MAN2A2: variants seen among roughly 807,000 people sequenced by gnomAD.
MAN2A2 encodes the protein mannosidase alpha class 2A member 2, also known as alpha-mannosidase 2x.
A neutral mutation model predicts 126.8 loss-of-function variants in MAN2A2; 79 were observed. The observed-to-expected ratio is 0.62, with a 90% CI of 0.52 to 0.75. MAN2A2 has a LOEUF of 0.75. Ranked by LOEUF, MAN2A2 falls within the 30% of genes least tolerant of loss-of-function variation. The probability of loss-of-function intolerance (pLI) is 0.00; values close to 1 mark genes in which losing one functional copy is unlikely to be tolerated. For missense variants in MAN2A2, 1,392 were observed against 1,522.4 expected (o/e 0.91, Z 1.43); for synonymous variants, 671 against 618.7 (o/e 1.08, Z -1.25).
rs1267269199 is a variant in MAN2A2 at position 90,910,489 on chromosome 15, C to G, written c.1578-12C>G. On this transcript the variant is annotated splice_polypyrimidine_tract_variant and intron_variant, in intron 10 of 22. Coordinates refer to ENST00000559717, the MANE Select transcript of MAN2A2 (RefSeq NM_006122.4). ...TGGTGCAGGCTGGCAGCTAACTTCT[C>G]TCTCTGGGCAGGGGGGCAGAGGTTC... The G allele has an allele frequency of 2.5e-6, 4 of 1,613,322 alleles. No homozygotes were observed. The South Asian group carries it at 3.3e-5, about 13-fold the overall frequency.
chr15:90,904,621 G>A (rs2034114242), intron 2 of MAN2A2, among the ~76,000 whole-genome samples: 1 of 149,090 alleles, frequency 6.7e-6, no homozygotes, highest in South Asian at 2.1e-4. Context: ...ACAGAGTCTC[G>A]CTCTGTCGCC....
At chr15:90,917,399 G>A (rs1266485) in intron 20 of MAN2A2, among the ~76,000 whole-genome samples, 12,019 of 152,218 alleles carry the variant, frequency 0.079, 546 homozygotes, top group South Asian at 0.15. Flanking sequence ...GAGGGACACC[G>A]TCAGAACTCT....
intron 11 of MAN2A2, 53 bp downstream of exon 11, chr15:90,910,736 A>G: frequency 6.2e-7 from 1 of 1,607,454 alleles, no homozygotes; most frequent in East Asian, 2.2e-5. Context: ...GTCCCAAAGA[A>G]AGGACATTGG....
rs2035148310 is a variant in MAN2A2 at position 90,916,041 on chromosome 15, C to G, written c.2861-82C>G. ...TCGAGCTGCGCTTTTCCGTCAGGGC[C>G]TGTGGCTTGGGATTCTCCTTTGAAA... is the stretch of plus-strand genomic sequence containing the variant. On this transcript the variant is annotated intron_variant, in intron 19 of 22. Transcript: ENST00000559717. 6.0e-6 allele frequency: 9 copies of G among 1,501,434 alleles called. No homozygotes were observed. The South Asian group carries it at 9.6e-5, about 16-fold the overall frequency. 93.0% of individuals were successfully genotyped at this position (1,501,434 alleles called of 1,614,324 possible). A position where few individuals can be genotyped will look rare whatever the true frequency, so the allele number is the denominator to read the frequency against.
chr15:90,916,289 G>A (rs2035173487), intron 20 of MAN2A2, 33 bp downstream of exon 20: 3 of 1,606,950 alleles, frequency 1.9e-6, no homozygotes, highest in South Asian at 2.2e-5. Flanking sequence ...AGGGAGCCAG[G>A]TCTGGCTAGT....
In MAN2A2 at chr15:90,909,321, C is replaced by T; in HGVS notation, c.1197-6C>T. The stretch of plus-strand genomic sequence containing the variant: ...TGGTGGGCCCATGTTTTTTTTCCTG[C>T]CCCAGGGCAGCCCTGCTTCTGGACC... On this transcript the variant is annotated splice_region_variant and splice_polypyrimidine_tract_variant and intron_variant, in intron 8 of 22. Transcript: ENST00000559717. 1 of 1,601,244 alleles carries T rather than the reference C, an allele frequency of 6.2e-7. No individual in the cohort carries two copies. The highest frequency in any genetic ancestry group is 1.1e-5 in the South Asian group (1 of 90,410).
intron 1 of MAN2A2, chr15:90,903,798 T>C (rs1437141833): frequency 3.1e-6 from 1 of 317,796 alleles, no homozygotes; most frequent in Non-Finnish European, 6.2e-6. Flanking sequence ...CTTTGGGTTC[T>C]GGCTAAACTT....
intron 20 of MAN2A2, among the ~76,000 whole-genome samples, chr15:90,917,048 G>A (rs2035242273): frequency 1.3e-5 from 2 of 152,222 alleles, no homozygotes; most frequent in South Asian, 2.1e-4. Context: ...ACAACAGGCT[G>A]GGGAATAGCA....
chr15:90,912,185 T>C lies in MAN2A2; in HGVS notation c.2252T>C (p.Phe751Ser). 1.9e-6 allele frequency: 3 copies of C among 1,614,124 alleles called. No homozygotes were observed. The highest frequency in any genetic ancestry group is 2.5e-6 in the Non-Finnish European group (3 of 1,180,010). ...RQLSVSRHEA[F>S]PLRVIDSGTS... ...CTGTCCGTCAGCAGGCACGAAGCGTTTCCTCTCCGTGTCATTGACTCTGGC... is the reference window on the plus strand; with the variant it reads ...CTGTCCGTCAGCAGGCACGAAGCGTCTCCTCTCCGTGTCATTGACTCTGGC... Residue 751 changes from phenylalanine to serine, a missense_variant, in exon 15 of 23, where the codon TTT (phenylalanine) becomes TCT (serine). Coordinates refer to ENST00000559717, the MANE Select transcript of MAN2A2 (RefSeq NM_006122.4).
chr15:90,911,462 G>T lies in MAN2A2; in HGVS notation c.2021G>T (p.Arg674Leu), dbSNP rs139653973. 7.4e-6 allele frequency: 12 copies of T among 1,614,206 alleles called. No homozygotes were observed. Among genetic ancestry groups the T allele is most frequent in the Non-Finnish European group, 9.3e-6 (11 of 1,180,042 alleles). Reference sequence around the variant, plus strand: ...CTGCTGGTCAACTCTCCCCGCGTGCGTGTCCTTTCGGAGGAGGGTCAGCCC... The same window carrying T: ...CTGCTGGTCAACTCTCCCCGCGTGCTTGTCCTTTCGGAGGAGGGTCAGCCC... ...VSLLVNSPRV[R>L]VLSEEGQPLA... Residue 674 changes from arginine to leucine, a missense_variant, in exon 14 of 23, where the codon CGT (arginine) becomes CTT (leucine). By Grantham distance (102) the Arg-to-Leu change is moderately radical. Coordinates refer to ENST00000559717, the MANE Select transcript of MAN2A2 (RefSeq NM_006122.4).
In MAN2A2 at chr15:90,905,454, C is replaced by G. The variant is rs143801767; in HGVS notation, c.336C>G (p.Ser112=). Residue 112 remains serine, a synonymous_variant, in exon 3 of 23, where the codon TCC becomes TCG. Coordinates refer to ENST00000559717, the MANE Select transcript of MAN2A2 (RefSeq NM_006122.4). ...CCCGGCCCAGCTTCTTCTCCATCTC[C>G]CCGCAGGACTGCCAGTTTGCTTTGG... The part of the protein sequence containing the change: ...PEPRPSFFSI[S]PQDCQFALGG... 1.2e-6 allele frequency: 2 copies of G among 1,613,962 alleles called. No individual in the cohort carries two copies. Among genetic ancestry groups the G allele is most frequent in the South Asian group, 1.1e-5 (1 of 91,082 alleles).
At position 90,912,121 on chromosome 15, in the gene MAN2A2, C is replaced by T. The variant is rs1395296892; in HGVS notation, c.2188C>T (p.Leu730=). Residue 730 remains leucine, a synonymous_variant, in exon 15 of 23, where the codon CTG becomes TTG. Transcript: ENST00000559717. ...GCTGGGCCTGGATGGGCACCGCACGCTGCCCTCCTCTGTGCGCATCTACCT... is the reference window on the plus strand; with the variant it reads ...GCTGGGCCTGGATGGGCACCGCACGTTGCCCTCCTCTGTGCGCATCTACCT... The part of the protein sequence containing the change: ...LQLGLDGHRT[L]PSSVRIYLHG... 4 of 1,613,732 alleles carry T rather than the reference C, an allele frequency of 2.5e-6. No individual in the cohort carries two copies. In the South Asian group the frequency reaches 4.4e-5, roughly 18 times the overall value.
At chr15:90,904,636 C>G (rs932069408) in intron 2 of MAN2A2, among the ~76,000 whole-genome samples, 23 of 151,632 alleles carry the variant, frequency 1.5e-4, no homozygotes, top group African/African-American at 5.3e-4. Context: ...GTCGCCCAGC[C>G]TTGAGTGCAG....
At position 90,911,424 on chromosome 15, in the gene MAN2A2, C is replaced by G. The variant is rs761544464; in HGVS notation, c.1983C>G (p.Phe661Leu). The G allele has an allele frequency of 1.2e-6, 2 of 1,614,254 alleles. No individual in the cohort carries two copies. Among genetic ancestry groups the G allele is most frequent in the East Asian group, 2.2e-5 (1 of 44,894 alleles). The change falls in exon 14 of 23, where the codon TTC (phenylalanine) becomes TTG (leucine). Residue 661 changes from phenylalanine to leucine, a missense_variant. Transcript: ENST00000559717. ...VLFNPLEQER[F>L]SMVSLLVNSP... Reference sequence around the variant, plus strand: ...TCAACCCACTGGAACAGGAGCGATTCAGCATGGTGTCCCTGCTGGTCAACT... The same window carrying G: ...TCAACCCACTGGAACAGGAGCGATTGAGCATGGTGTCCCTGCTGGTCAACT...
chr15:90,918,417 G>C, intron 21 of MAN2A2, 29 bp downstream of exon 21: 1 of 1,601,932 alleles, frequency 6.2e-7, no homozygotes, highest in East Asian at 2.2e-5. Flanking sequence ...GACATGCTGA[G>C]AGCAGAGTTC....
intron 18 of MAN2A2, 34 bp from the exon 19 acceptor site, chr15:90,913,580 G>A (rs752589543): frequency 7.1e-5 from 113 of 1,594,126 alleles, no homozygotes; most frequent in Non-Finnish European, 8.4e-5. Flanking sequence ...CATGGTGCCC[G>A]GGTGCCCTTG....
At chr15:90,905,114 C>G (rs1015059331) in intron 2 of MAN2A2, 137 bp from the exon 3 acceptor site, 46 of 886,614 alleles carry the variant, frequency 5.2e-5, no homozygotes, top group Non-Finnish European at 7.7e-5. Context: ...ACGGTGTCAT[C>G]TATCCCTCTA....
intron 14 of MAN2A2, 128 bp downstream of exon 14, chr15:90,911,678 T>G: frequency 9.2e-7 from 1 of 1,089,990 alleles, no homozygotes; most frequent in Non-Finnish European, 1.3e-6. Flanking sequence ...ACAAGTGTCC[T>G]GGGGAGGGGG....
rs1305637593 is a variant in MAN2A2 at position 90,920,779 on chromosome 15, G to T, written c.*992G>T. The T allele has an allele frequency of 1.3e-5, 2 of 152,236 alleles. No individual in the cohort carries two copies. The highest frequency in any genetic ancestry group is 2.9e-5 in the Non-Finnish European group (2 of 68,064). The allele number at this position is 152,236 out of a possible 1,614,324, so 9.4% of individuals were successfully genotyped here. A position where few individuals can be genotyped will look rare whatever the true frequency, so the allele number is the denominator to read the frequency against. On this transcript the variant is annotated 3_prime_UTR_variant, in exon 23 of 23. Coordinates refer to ENST00000559717, the MANE Select transcript of MAN2A2 (RefSeq NM_006122.4). The stretch of plus-strand genomic sequence containing the variant: ...TTTAGTCTATCTGCAGAGGTATTCA[G>T]TTCCTGGCACAGGGGACTAGGGGCA...
Sources: allele counts gnomAD v4.1 joint callset (sites outside exome capture counted in the v4.1 genomes callset), GRCh38; gene constraint gnomAD v4.1.1; transcripts MANE v1.5; gene names NCBI Gene and HGNC (gene_info 2026-07-23, HGNC 2026-07-21).